ADAMTS12: variants seen among roughly 807,000 people sequenced by gnomAD.
The protein encoded by ADAMTS12 is A disintegrin and metalloproteinase with thrombospondin motifs 12.
ADAMTS12 carries 118 observed loss-of-function variants against 167.8 expected under a neutral mutation model. The observed-to-expected ratio is 0.70, with a 90% CI of 0.61 to 0.82. The LOEUF (loss-of-function observed/expected upper bound fraction) is 0.82, where lower values mean the gene tolerates loss of function less well. Among genes scored for constraint, ADAMTS12 ranks in the 40% least tolerant of loss-of-function variants. The pLI, the probability that ADAMTS12 is intolerant of heterozygous loss-of-function variation, is 0.00. For synonymous variants in ADAMTS12, 704 were observed against 716.9 expected (o/e 0.98, Z 0.29); for missense variants, 1,916 against 1,998.8 (o/e 0.96, Z 0.79).
At chr5:33,845,589 AGGAACAGAGT>A (rs2111617258) in intron 2 of ADAMTS12, among the ~76,000 whole-genome samples, 1 of 152,388 alleles carries the variant, frequency 6.6e-6, no homozygotes, top group East Asian at 1.9e-4. Context: ...ATGTCTGATG[AGGAACAGAGT>A]GCTCACATAG....
chr5:33,762,293 G>A (rs1745386506), intron 2 of ADAMTS12, among the ~76,000 whole-genome samples: 1 of 152,136 alleles, frequency 6.6e-6, no homozygotes, highest in African/African-American at 2.4e-5. Flanking sequence ...TGGATCACGA[G>A]GTCAGGAGAT....
At chr5:33,730,290 GT>G (rs1561239754) in intron 3 of ADAMTS12, among the ~76,000 whole-genome samples, 62 of 11,280 alleles carry the variant, frequency 5.5e-3, no homozygotes, top group Middle Eastern at 0.036. Context: ...GTCCATTAGG[GT>G]GTGTGTGTGT....
At chr5:33,637,505 C>A in intron 12 of ADAMTS12, 72 bp downstream of exon 12, 2 of 1,480,844 alleles carry the variant, frequency 1.4e-6, no homozygotes, top group Non-Finnish European at 9.2e-7. Context: ...ATCACAGAAA[C>A]CCTGACTGAC....
At chr5:33,709,334 T>C (rs12523495) in intron 3 of ADAMTS12, among the ~76,000 whole-genome samples, 92,853 of 152,040 alleles carry the variant, frequency 0.61, 29,544 homozygotes, top group Non-Finnish European at 0.69. Flanking sequence ...ACCATTTGAC[T>C]GAGCAATCTC....
chr5:33,706,646 G>A (rs11749547), intron 3 of ADAMTS12, among the ~76,000 whole-genome samples: 92,837 of 151,932 alleles, frequency 0.61, 29,532 homozygotes, highest in Non-Finnish European at 0.69. Flanking sequence ...CATTTAGCCC[G>A]TTTACATTTA....
intron 12 of ADAMTS12, among the ~76,000 whole-genome samples, chr5:33,632,026 C>T (rs1739966118): frequency 6.6e-6 from 1 of 152,096 alleles, no homozygotes; most frequent in African/African-American, 2.4e-5. Context: ...AATGAAAGTG[C>T]AAATTTCACA....
At chr5:33,602,232 G>A (rs971646367) in intron 16 of ADAMTS12, among the ~76,000 whole-genome samples, 4 of 152,178 alleles carry the variant, frequency 2.6e-5, no homozygotes, top group African/African-American at 9.7e-5. Context: ...GGTAAAAAAT[G>A]GAACTAGGAA....
chr5:33,550,752 C>A (rs1745219381), intron 20 of ADAMTS12, among the ~76,000 whole-genome samples: 1 of 152,144 alleles, frequency 6.6e-6, no homozygotes, highest in South Asian at 2.1e-4. Context: ...TTGATTTTGT[C>A]CATCCTTTCT....
intron 7 of ADAMTS12, among the ~76,000 whole-genome samples, chr5:33,651,292 A>C (rs1198735691): frequency 6.6e-6 from 1 of 152,194 alleles, no homozygotes; most frequent in African/African-American, 2.4e-5. Context: ...TTATCTGTGG[A>C]TATGTCGATA....
intron 18 of ADAMTS12, among the ~76,000 whole-genome samples, chr5:33,586,365 T>C (rs899507611): frequency 3.3e-5 from 5 of 152,220 alleles, no homozygotes; most frequent in African/African-American, 1.2e-4. Flanking sequence ...CTAAAAGCAC[T>C]TCCAATGACA....
intron 2 of ADAMTS12, among the ~76,000 whole-genome samples, chr5:33,784,730 G>A (rs1746268288): frequency 6.6e-6 from 1 of 151,822 alleles, no homozygotes; most frequent in Non-Finnish European, 1.5e-5. Flanking sequence ...CATGTTCAAG[G>A]ATTAAAGACT....
At chr5:33,741,615 G>T (rs1445224775) in intron 3 of ADAMTS12, among the ~76,000 whole-genome samples, 2 of 152,056 alleles carry the variant, frequency 1.3e-5, no homozygotes, top group Non-Finnish European at 2.9e-5. Flanking sequence ...TTGGAAAATG[G>T]CTCTCTAAGA....
chr5:33,550,979 C>T (rs1427478634), intron 20 of ADAMTS12, among the ~76,000 whole-genome samples: 1 of 152,152 alleles, frequency 6.6e-6, no homozygotes, highest in Non-Finnish European at 1.5e-5. Context: ...TCTTTACCCT[C>T]TGAATCCTTC....
chr5:33,588,889 A>C, intron 17 of ADAMTS12, 80 bp from the exon 18 acceptor site: 2 of 1,531,270 alleles, frequency 1.3e-6, no homozygotes, highest in South Asian at 2.3e-5. Context: ...AAGCAGGGGC[A>C]GAAATGCAGA....
Position 33,534,929 on chromosome 5 carries a change from T to C in ADAMTS12, c.4510A>G (p.Asn1504Asp). 1 of 1,614,096 alleles carries C rather than the reference T, an allele frequency of 6.2e-7. No individual in the cohort carries two copies. Among genetic ancestry groups the C allele is most frequent in the Non-Finnish European group, 8.5e-7 (1 of 1,180,000 alleles). The change falls in exon 23 of 24, where the codon AAT (asparagine) becomes GAT (aspartate). Residue 1504 changes from asparagine to aspartate, a missense_variant. By Grantham distance (23) the Asn-to-Asp change is conservative. Transcript: ENST00000504830. ...RTVQCVPSEG[N>D]KTEDQDQCLC... ...CATTGGTCTTGGTCTTCAGTTTTAT[T>C]GCCCTCTGAGGGCACACATTGGACA...
At chr5:33,841,617 C>T (rs1053508339) in intron 2 of ADAMTS12, among the ~76,000 whole-genome samples, 30 of 152,154 alleles carry the variant, frequency 2.0e-4, no homozygotes, top group African/African-American at 6.5e-4. Flanking sequence ...TGCTCAAGGT[C>T]GTCGCCAAGG....
At chr5:33,739,539 T>C (rs1744493751) in intron 3 of ADAMTS12, among the ~76,000 whole-genome samples, 1 of 152,230 alleles carries the variant, frequency 6.6e-6, no homozygotes, top group Admixed American at 6.5e-5. Context: ...TAAGGAGCCA[T>C]GCCCTGAATA....
chr5:33,672,325 T>TAC (rs933982959), intron 5 of ADAMTS12, among the ~76,000 whole-genome samples: 1 of 125,488 alleles, frequency 8.0e-6, no homozygotes, highest in Admixed American at 8.0e-5. Flanking sequence ...CAGATCCACA[T>TAC]ACACACACAC....
intron 15 of ADAMTS12, 29 bp from the exon 16 acceptor site, chr5:33,614,405 A>G: frequency 6.2e-7 from 1 of 1,611,138 alleles, no homozygotes; most frequent in Non-Finnish European, 8.5e-7. Context: ...GTCATGTCAA[A>G]CTGTCATGAC....
Sources: gnomAD v4.1 joint callset for allele counts (sites outside exome capture counted in the v4.1 genomes callset) on GRCh38, gnomAD v4.1.1 for gene constraint, MANE v1.5 for transcripts, NCBI Gene and HGNC (gene_info 2026-07-23, HGNC 2026-07-21) for gene names.